UTY: variants seen among roughly 807,000 people sequenced by gnomAD.
The protein encoded by UTY is histone demethylase UTY.
In UTY, 12 loss-of-function variants were observed where a neutral mutation model predicts 32.5. That is an observed-to-expected ratio of 0.37 (90% confidence interval 0.24 to 0.60). The LOEUF is 0.60. Among genes scored for constraint, UTY ranks in the 20% least tolerant of loss-of-function variants. The pLI is 0.69. For synonymous variants in UTY, 131 were observed against 103.4 expected (o/e 1.27, Z -1.62); for missense variants, 303 against 299.2 (o/e 1.01, Z -0.09).
chrY:13,439,928 T>A, intron 4 of UTY, among the ~76,000 whole-genome samples: 2 of 32,750 alleles, frequency 6.1e-5, no homozygotes, highest in Non-Finnish European at 7.5e-5. Context: ...TTAAGGCACA[T>A]ATGGAATGAG....
chrY:13,359,626 AAAT>A (rs765501342), intron 12 of UTY, 138 bp downstream of exon 12: 928 of 165,514 alleles, frequency 5.6e-3, no homozygotes, highest in Non-Finnish European at 2.5e-4. Context: ...ATTAAATGAA[AAAT>A]AATACCACAA....
intron 27 of UTY, among the ~76,000 whole-genome samples, chrY:13,282,673 C>A: frequency 3.0e-5 from 1 of 33,766 alleles, no homozygotes. Context: ...ACTGGGGGAG[C>A]TCAGATTTTA....
intron 4 of UTY, among the ~76,000 whole-genome samples, chrY:13,437,489 C>T: frequency 1.8e-4 from 6 of 33,851 alleles, no homozygotes; most frequent in African/African-American, 7.0e-4. Flanking sequence ...AAGGAAGGCA[C>T]AGAGTGGTGC....
chrY:13,259,320 C>G, intron 28 of UTY, among the ~76,000 whole-genome samples: 1 of 34,232 alleles, frequency 2.9e-5, no homozygotes, highest in African/African-American at 1.1e-4. Flanking sequence ...TTTAATTCCT[C>G]TATGTAAGCT....
intron 10 of UTY, among the ~76,000 whole-genome samples, chrY:13,361,182 C>T (rs2063508364): frequency 3.0e-5 from 1 of 33,210 alleles, no homozygotes; most frequent in African/African-American, 1.2e-4. Context: ...TTTACTGGTA[C>T]AGGTACTATA....
chrY:13,378,718 T>G, intron 8 of UTY, among the ~76,000 whole-genome samples: 5 of 30,735 alleles, frequency 1.6e-4, no homozygotes, highest in Non-Finnish European at 3.9e-4. Context: ...GAGGTTGCAG[T>G]GAGCCGAGAT....
At chrY:13,448,475 C>T in intron 4 of UTY, among the ~76,000 whole-genome samples, 1 of 32,637 alleles carries the variant, frequency 3.1e-5, no homozygotes, top group African/African-American at 1.2e-4. Context: ...CCAGAATACA[C>T]AAATATATAG....
At chrY:13,250,142 TC>T in intron 29 of UTY, among the ~76,000 whole-genome samples, 1 of 33,365 alleles carries the variant, frequency 3.0e-5, no homozygotes, top group Non-Finnish European at 7.4e-5. Flanking sequence ...TGCCTCAGCC[TC>T]CGAGTAGCTG....
intron 20 of UTY, among the ~76,000 whole-genome samples, chrY:13,324,374 T>A (rs750614025): frequency 6.0e-5 from 2 of 33,337 alleles, no homozygotes; most frequent in East Asian, 1.5e-3. Flanking sequence ...TAAATGTATA[T>A]CTGTTATTAT....
chrY:13,359,756 A>G lies in UTY; in HGVS notation c.1185+11T>C, dbSNP rs756463545. ...ACGTGTCATTTAAAATATACTATTT[A>G]AAATTTTTACCTGTAGAAATTTAAT... On this transcript the variant is annotated intron_variant, in intron 12 of 29. Coordinates refer to ENST00000545955, the MANE Select transcript of UTY (RefSeq NM_001258249.2). The G allele has an allele frequency of 1.1e-5, 4 of 376,285 alleles. No homozygotes were observed. The African/African-American group carries it at 2.6e-4, about 25-fold the overall frequency. The allele number at this position is 376,285 out of a possible 400,897, so 93.9% of individuals were successfully genotyped here. A position where few individuals can be genotyped will look rare whatever the true frequency, so the allele number is the denominator to read the frequency against.
intron 3 of UTY, among the ~76,000 whole-genome samples, chrY:13,459,119 C>T (rs2150178808): frequency 6.4e-5 from 2 of 31,367 alleles, no homozygotes; most frequent in Admixed American, 5.9e-4. Context: ...TGTAACAAAC[C>T]TGCATGTTGT....
intron 21 of UTY, among the ~76,000 whole-genome samples, chrY:13,316,972 C>T: frequency 6.0e-5 from 2 of 33,352 alleles, no homozygotes; most frequent in African/African-American, 2.3e-4. Context: ...GAAATAGCAG[C>T]AGTTTGCCCT....
chrY:13,448,779 C>T lies in UTY; in HGVS notation c.375+238G>A, dbSNP rs764779093. Among the ~76,000 whole-genome samples the T allele has an allele frequency of 1.8e-3, 60 of 33,540 alleles. No homozygotes were observed. The East Asian group carries it at 0.039, about 22-fold the overall frequency. 90.0% of individuals were successfully genotyped at this position (33,540 alleles called of 37,273 possible). Reference sequence around the variant, plus strand: ...CATTTTTAATTACATTTCTTTCCCACTCAAGTAATTCATGAAAGCCAGAAA... The same window carrying T: ...CATTTTTAATTACATTTCTTTCCCATTCAAGTAATTCATGAAAGCCAGAAA... On this transcript the variant is annotated intron_variant, in intron 4 of 29. Transcript: ENST00000545955.
intron 8 of UTY, among the ~76,000 whole-genome samples, chrY:13,369,727 TA>T (rs2064696925): frequency 3.0e-5 from 1 of 32,942 alleles, no homozygotes; most frequent in Admixed American, 2.8e-4. Flanking sequence ...TTCCAACATT[TA>T]AAAAAAATCT....
intron 8 of UTY, among the ~76,000 whole-genome samples, chrY:13,379,768 C>T (rs2065807081): frequency 3.6e-5 from 1 of 28,116 alleles, no homozygotes; most frequent in Non-Finnish European, 8.3e-5. Flanking sequence ...TGTATCAACA[C>T]GGGGAAAAAA....
chrY:13,274,887 TAG>T (rs2056585619), intron 27 of UTY, among the ~76,000 whole-genome samples: 1 of 32,890 alleles, frequency 3.0e-5, no homozygotes, highest in Non-Finnish European at 7.4e-5. Context: ...AAATTTTATC[TAG>T]ATATAATATA....
At chrY:13,320,261 A>C in intron 21 of UTY, among the ~76,000 whole-genome samples, 1 of 32,933 alleles carries the variant, frequency 3.0e-5, no homozygotes, top group Non-Finnish European at 7.5e-5. Flanking sequence ...AGTTATGTTA[A>C]ATTATTGTGT....
intron 27 of UTY, among the ~76,000 whole-genome samples, chrY:13,265,307 C>CA (rs2055676448): frequency 3.0e-5 from 1 of 33,857 alleles, no homozygotes; most frequent in Non-Finnish European, 7.3e-5. Flanking sequence ...ATGGGGATAG[C>CA]ACTGAAGCTA....
intron 21 of UTY, among the ~76,000 whole-genome samples, chrY:13,318,710 C>T (rs772901213): frequency 3.4e-3 from 112 of 33,040 alleles, no homozygotes; most frequent in African/African-American, 0.012. Flanking sequence ...TTTCTATCCC[C>T]TTTTAAAAGG....
Sources: gnomAD v4.1 joint callset for allele counts (sites outside exome capture counted in the v4.1 genomes callset) on GRCh38, gnomAD v4.1.1 for gene constraint, MANE v1.5 for transcripts, NCBI Gene and HGNC (gene_info 2026-07-23, HGNC 2026-07-21) for gene names.